The following HIVEP2 variants were observed in gnomAD, a reference collection of about 807,000 sequenced individuals.
HIVEP2 encodes the protein transcription factor HIVEP2.
A neutral mutation model predicts 180.7 loss-of-function variants in HIVEP2; 14 were observed. That is an observed-to-expected ratio of 0.08 (90% CI 0.05 to 0.12). HIVEP2 has a LOEUF of 0.12. Among genes scored for constraint, HIVEP2 ranks in the 10% least tolerant of loss-of-function variants. The pLI, the probability that HIVEP2 is intolerant of heterozygous loss-of-function variation, is 1.00. For missense variants in HIVEP2, 2,579 were observed against 3,008.5 expected (o/e 0.86, Z 3.34); for synonymous variants, 1,184 against 1,136.4 (o/e 1.04, Z -0.84).
intron 1 of HIVEP2, among the ~76,000 whole-genome samples, chr6:142,900,575 G>T (rs1034639925): frequency 4.6e-5 from 7 of 152,152 alleles, no homozygotes; most frequent in Non-Finnish European, 8.8e-5. Context: ...GCAGCCAAGT[G>T]CCCCCCTGAG....
chr6:142,845,516 CT>C (rs1191313770), intron 1 of HIVEP2, among the ~76,000 whole-genome samples: 2 of 152,148 alleles, frequency 1.3e-5, no homozygotes, highest in Non-Finnish European at 2.9e-5. Context: ...CTATAATCAT[CT>C]GTGTTTCTGT....
chr6:142,834,378 T>C (rs543803486), intron 2 of HIVEP2, among the ~76,000 whole-genome samples: 1 of 152,326 alleles, frequency 6.6e-6, no homozygotes, highest in South Asian at 2.1e-4. Context: ...CAGTAATAAT[T>C]GTATAATTAT....
At chr6:142,756,968 T>C (rs1158637125) in intron 9 of HIVEP2, among the ~76,000 whole-genome samples, 2 of 152,184 alleles carry the variant, frequency 1.3e-5, no homozygotes, top group Admixed American at 6.5e-5. Context: ...GTAATAGAAC[T>C]GGTATATAGA....
At chr6:142,883,366 A>C (rs1485102927) in intron 1 of HIVEP2, among the ~76,000 whole-genome samples, 3 of 152,044 alleles carry the variant, frequency 2.0e-5, no homozygotes, top group African/African-American at 7.2e-5. Context: ...TCAGATTATC[A>C]AAATGAGGTT....
At position 142,770,223 on chromosome 6, in the gene HIVEP2, C is replaced by T; in HGVS notation, c.4516G>A (p.Asp1506Asn). ...VRQGCASEPK[D>N]GLQSGSSSFS... Reference sequence around the variant, plus strand: ...GAAGATGACCCTGACTGCAAGCCATCTTTTGGCTCAGAAGCACATCCTTGT... The same window carrying T: ...GAAGATGACCCTGACTGCAAGCCATTTTTTGGCTCAGAAGCACATCCTTGT... Residue 1506 changes from aspartate (D) to asparagine (N), a missense_variant, in exon 5 of 10, where the codon GAT becomes AAT. Physicochemically the swap from Asp to Asn is conservative, Grantham distance 23 (BLOSUM62 1). This residue lies in a region of HIVEP2 where 349 missense variants were observed against 367.2 expected (regional missense o/e 0.95). Transcript: ENST00000367603. The surrounding 1 kb of genome is among the most constrained non-coding windows in gnomAD (Gnocchi z 4.7). 6.2e-7 allele frequency: 1 copy of T among 1,614,210 alleles called. No homozygotes were observed. Among genetic ancestry groups the T allele is most frequent in the Admixed American group, 1.7e-5 (1 of 60,028 alleles).
chr6:142,771,709 A>G lies in HIVEP2; in HGVS notation c.3030T>C (p.Pro1010=). Reference sequence around the variant, plus strand: ...GGACAGACAATGAGTATGAACCAGCAGGGACAGTCAGAAACTCTGAATGCT... The same window carrying G: ...GGACAGACAATGAGTATGAACCAGCGGGGACAGTCAGAAACTCTGAATGCT... ...FGKHSEFLTV[P]AGSYSLSVPG... The change falls in exon 5 of 10, where the codon CCT becomes CCC. Residue 1010 remains proline (P), a synonymous_variant. Coordinates refer to ENST00000367603, the MANE Select transcript of HIVEP2 (RefSeq NM_006734.4). The surrounding 1 kb of genome is among the most constrained non-coding windows in gnomAD (Gnocchi z 5.4). 1.2e-6 allele frequency: 2 copies of G among 1,614,216 alleles called. No individual in the cohort carries two copies. Among genetic ancestry groups the G allele is most frequent in the Non-Finnish European group, 1.7e-6 (2 of 1,180,040 alleles).
Position 142,770,073 on chromosome 6 carries a change from A to C in HIVEP2, c.4666T>G (p.Ser1556Ala). The change falls in exon 5 of 10, where the codon TCC becomes GCC. Residue 1556 changes from serine to alanine, a missense_variant. Transcript: ENST00000367603. This position sits in a 1 kb window ranked among gnomAD's most constrained non-coding sequence, Gnocchi z 4.7. ...GSRAPLPGQK[S>A]SGPSESKESS... ...TCTTTGCTTTCAGAAGGCCCACTGG[A>C]CTTCTGCCCCGGAAGTGGTGCCCGG... is the stretch of plus-strand genomic sequence containing the variant. The C allele has an allele frequency of 6.2e-7, 1 of 1,614,146 alleles. No individual in the cohort carries two copies. The highest frequency in any genetic ancestry group is 8.5e-7 in the Non-Finnish European group (1 of 1,180,028).
intron 2 of HIVEP2, among the ~76,000 whole-genome samples, chr6:142,798,606 C>A (rs1042961775): frequency 6.6e-6 from 1 of 152,114 alleles, no homozygotes; most frequent in Non-Finnish European, 1.5e-5. Context: ...CAGTTTTCTG[C>A]CTAACCTACC....
intron 1 of HIVEP2, among the ~76,000 whole-genome samples, chr6:142,923,422 G>C (rs1215231721): frequency 6.6e-6 from 1 of 152,080 alleles, no homozygotes; most frequent in East Asian, 1.9e-4. Context: ...AAATAAGATA[G>C]TTAATGCTAC....
Position 142,783,611 on chromosome 6 carries a change from G to C in HIVEP2, c.-523C>G, listed in dbSNP as rs1375743577. 6.6e-6 allele frequency: 1 copy of C among 151,968 alleles called. No homozygotes were observed. The highest frequency in any genetic ancestry group is 2.4e-5 in the African/African-American group (1 of 41,356). 9.4% of individuals were successfully genotyped at this position (151,968 alleles called of 1,614,324 possible). ...CACAGGAACTCATGCACAACTTCTG[G>C]GAATCTAAAAGATGAATAAGAAGAT... is the stretch of plus-strand genomic sequence containing the variant. On this transcript the variant is annotated 5_prime_UTR_variant, in exon 3 of 10. Transcript: ENST00000367603.
At chr6:142,864,546 C>T (rs765875) in intron 1 of HIVEP2, among the ~76,000 whole-genome samples, 64,514 of 152,000 alleles carry the variant, frequency 0.42, 14,653 homozygotes, top group South Asian at 0.57. Flanking sequence ...GGATATTGTA[C>T]ATGCACATAG....
At chr6:142,931,487 G>A (rs1288287798) in intron 1 of HIVEP2, among the ~76,000 whole-genome samples, 1 of 152,062 alleles carries the variant, frequency 6.6e-6, no homozygotes, top group Non-Finnish European at 1.5e-5. Flanking sequence ...AAAGTAGGAG[G>A]TAGAAAAGGT....
chr6:142,765,108 C>T lies in HIVEP2; in HGVS notation c.5343-134G>A, dbSNP rs147842120. On this transcript the variant is annotated intron_variant, in intron 6 of 9. Coordinates refer to ENST00000367603, the MANE Select transcript of HIVEP2 (RefSeq NM_006734.4). ...AGACAATTATTCAACTTTACTTCTA[C>T]GAAGCCTGTGAAATTTATGCAGTAA... 878 of 748,902 alleles carry T rather than the reference C, an allele frequency of 1.2e-3. 3 individuals carry two copies. Among genetic ancestry groups the T allele is most frequent in the South Asian group, 2.1e-3 (92 of 43,774 alleles). 46.4% of individuals were successfully genotyped at this position (748,902 alleles called of 1,614,324 possible).
At chr6:142,916,414 T>C (rs981831143) in intron 1 of HIVEP2, among the ~76,000 whole-genome samples, 1 of 152,210 alleles carries the variant, frequency 6.6e-6, no homozygotes, top group Non-Finnish European at 1.5e-5. Context: ...GCAGCTCCCT[T>C]GTTCTTGGTG....
chr6:142,858,696 A>G (rs1470335031), intron 1 of HIVEP2, among the ~76,000 whole-genome samples: 2 of 151,952 alleles, frequency 1.3e-5, no homozygotes, highest in Admixed American at 1.3e-4. Context: ...GGTTCAAGCA[A>G]TTCTCCTGCC....
chr6:142,842,332 A>C (rs1347790319), intron 1 of HIVEP2, among the ~76,000 whole-genome samples: 1 of 152,176 alleles, frequency 6.6e-6, no homozygotes, highest in Non-Finnish European at 1.5e-5. Flanking sequence ...ATGTTAACTA[A>C]ATCCACGTGT....
At chr6:142,856,534 G>A (rs1775825899) in intron 1 of HIVEP2, among the ~76,000 whole-genome samples, 1 of 152,244 alleles carries the variant, frequency 6.6e-6, no homozygotes, top group Non-Finnish European at 1.5e-5. Context: ...TGGAGAGGGG[G>A]CCTTGCTAAG....
chr6:142,842,185 T>C (rs1337952152), intron 1 of HIVEP2, among the ~76,000 whole-genome samples: 2 of 152,152 alleles, frequency 1.3e-5, no homozygotes, highest in African/African-American at 4.8e-5. Context: ...CCCACCATTG[T>C]CTCTTATTTC....
intron 1 of HIVEP2, among the ~76,000 whole-genome samples, chr6:142,899,556 G>A (rs1207460159): frequency 2.6e-5 from 4 of 152,174 alleles, no homozygotes; most frequent in African/African-American, 9.7e-5. Flanking sequence ...GAAACCAATT[G>A]TATGTGTACA....
Sources: gnomAD v4.1 joint callset for allele counts (sites outside exome capture counted in the v4.1 genomes callset) on GRCh38, gnomAD v4.1.1 for gene constraint, gnomAD v4.1.1 regional missense constraint, Gnocchi (gnomAD v3.1) non-coding constraint, MANE v1.5 for transcripts, NCBI Gene and HGNC (gene_info 2026-07-23, HGNC 2026-07-21) for gene names.